The following FOXN3 variants were observed in gnomAD, a reference collection of about 807,000 sequenced individuals.
The protein encoded by FOXN3 is forkhead box N3.
Under a neutral mutation model 38.4 loss-of-function variants are expected in FOXN3, and 7 were observed. The observed-to-expected ratio is 0.18, with a 90% CI of 0.10 to 0.34. The LOEUF (loss-of-function observed/expected upper bound fraction) is 0.34. Among genes scored for constraint, FOXN3 ranks in the 10% least tolerant of loss-of-function variants. FOXN3 has a pLI of 1.00. For missense variants in FOXN3, 456 were observed against 613.4 expected (o/e 0.74, Z 2.71); for synonymous variants, 230 against 242.2 (o/e 0.95, Z 0.47).
intron 1 of FOXN3, among the ~76,000 whole-genome samples, chr14:89,453,349 G>C (rs1408447321): frequency 6.6e-6 from 1 of 151,918 alleles, no homozygotes; most frequent in Admixed American, 6.6e-5. Flanking sequence ...GAGGTCAGGA[G>C]ATTGAGACCA....
chr14:89,216,642 C>A (rs1041178777), intron 4 of FOXN3, among the ~76,000 whole-genome samples: 1 of 152,200 alleles, frequency 6.6e-6, no homozygotes, highest in African/African-American at 2.4e-5. Flanking sequence ...GCATTCAAAG[C>A]CCAATGGCTT....
At chr14:89,340,096 G>A (rs1302255251) in intron 3 of FOXN3, among the ~76,000 whole-genome samples, 4 of 152,100 alleles carry the variant, frequency 2.6e-5, no homozygotes, top group Non-Finnish European at 5.9e-5. Context: ...GGAAAGAGAA[G>A]AAGGAAGGGG....
intron 2 of FOXN3, among the ~76,000 whole-genome samples, chr14:89,382,889 GA>G (rs1890689107): frequency 6.6e-6 from 1 of 152,184 alleles, no homozygotes; most frequent in Non-Finnish European, 1.5e-5. Context: ...CCAGCTGGAG[GA>G]AGTGCCCTCC....
At chr14:89,554,406 G>A (rs185523196) in intron 1 of FOXN3, among the ~76,000 whole-genome samples, 1 of 152,284 alleles carries the variant, frequency 6.6e-6, no homozygotes, top group Non-Finnish European at 1.5e-5. Flanking sequence ...AAAGTGCTGG[G>A]ATTACAGGCA....
chr14:89,468,474 CAT>C (rs1491018280), intron 1 of FOXN3, among the ~76,000 whole-genome samples: 137 of 151,952 alleles, frequency 9.0e-4, no homozygotes, highest in African/African-American at 2.9e-3. Context: ...CACACACACA[CAT>C]ACACACACAC....
intron 1 of FOXN3, among the ~76,000 whole-genome samples, chr14:89,523,337 A>C (rs1329840636): frequency 6.6e-6 from 1 of 152,214 alleles, no homozygotes. Flanking sequence ...AGAAGACTTG[A>C]ACAATACTAT....
intron 1 of FOXN3, among the ~76,000 whole-genome samples, chr14:89,469,383 A>G (rs1173878354): frequency 6.6e-6 from 1 of 152,224 alleles, no homozygotes; most frequent in East Asian, 1.9e-4. Flanking sequence ...TCCTCAGTCC[A>G]GGAAGCAGGG....
chr14:89,223,584 T>C (rs913930140), intron 4 of FOXN3, among the ~76,000 whole-genome samples: 1 of 152,244 alleles, frequency 6.6e-6, no homozygotes, highest in African/African-American at 2.4e-5. Flanking sequence ...CTTCTTAAAG[T>C]TGCCAGAAGC....
chr14:89,422,395 A>C (rs2401821), intron 1 of FOXN3, among the ~76,000 whole-genome samples: 151,530 of 152,302 alleles, frequency 0.99, 75,390 homozygotes, highest in Middle Eastern at 1. Flanking sequence ...CTTCAAGACC[A>C]AGTGAATCAG....
In FOXN3 at chr14:89,589,280, C is replaced by T. The variant is rs369260839; in HGVS notation, c.-15+29748G>A. Among the ~76,000 whole-genome samples the T allele has an allele frequency of 2.4e-4, 36 of 152,274 alleles. No homozygotes were observed. The South Asian group carries it at 7.3e-3, about 31-fold the overall frequency. ...ACACACCCTTCTCTCCAGACCACTACCCAGACTTACAAAAGCATTTCAGAT... is the reference window on the plus strand; with the variant it reads ...ACACACCCTTCTCTCCAGACCACTATCCAGACTTACAAAAGCATTTCAGAT... On this transcript the variant is annotated intron_variant, in intron 1 of 6. Transcript: ENST00000345097.
Position 89,171,061 on chromosome 14 carries a change from T to G in FOXN3, c.852-8092A>C, listed in dbSNP as rs550021362. Among the ~76,000 whole-genome samples the G allele has an allele frequency of 4.3e-5, 6 of 139,596 alleles. No individual in the cohort carries two copies. The South Asian group carries it at 1.3e-3, about 30-fold the overall frequency. The allele number at this position is 139,596 out of a possible 152,430, so 91.6% of individuals were successfully genotyped here. On this transcript the variant is annotated intron_variant, in intron 5 of 5. Coordinates refer to ENST00000557258, the MANE Select transcript of FOXN3 (RefSeq NM_005197.4). Reference sequence around the variant, plus strand: ...GAGCTAATTTAAAAAGTTGATTCTTTGAAAAAAAATCTATGGCGAAATTAA... The same window carrying G: ...GAGCTAATTTAAAAAGTTGATTCTTGGAAAAAAAATCTATGGCGAAATTAA...
chr14:89,498,612 G>C (rs577044278), intron 1 of FOXN3, among the ~76,000 whole-genome samples: 1 of 152,062 alleles, frequency 6.6e-6, no homozygotes. Flanking sequence ...ACCTCCTCCC[G>C]AATTACCCTG....
intron 2 of FOXN3, among the ~76,000 whole-genome samples, chr14:89,387,383 G>T (rs1890820777): frequency 6.6e-6 from 1 of 152,166 alleles, no homozygotes; most frequent in South Asian, 2.1e-4. Flanking sequence ...TATATTCCAG[G>T]AGTTGTATTA....
intron 1 of FOXN3, among the ~76,000 whole-genome samples, chr14:89,531,745 T>A (rs1313239467): frequency 6.6e-6 from 1 of 152,260 alleles, no homozygotes; most frequent in African/African-American, 2.4e-5. Context: ...CAAAGTACAA[T>A]ATCTACGCTG....
intron 1 of FOXN3, among the ~76,000 whole-genome samples, chr14:89,517,490 T>C (rs1457798165): frequency 6.6e-6 from 1 of 152,028 alleles, no homozygotes; most frequent in African/African-American, 2.4e-5. Flanking sequence ...AGGCTCATTG[T>C]ACATGGCAGA....
chr14:89,549,999 G>A (rs1218393599), intron 1 of FOXN3, among the ~76,000 whole-genome samples: 2 of 152,194 alleles, frequency 1.3e-5, no homozygotes, highest in African/African-American at 4.8e-5. Flanking sequence ...GGTAATGCAT[G>A]CGGCATCACA....
chr14:89,548,106 AG>A lies in FOXN3; in HGVS notation c.-15+70921del, dbSNP rs1035014725. ...TCAATTATTCACGATAGAACACTTGAGTTGAAATAAAAAATATCTATGTGTT... is the reference window on the plus strand; with the variant it reads ...TCAATTATTCACGATAGAACACTTGATTGAAATAAAAAATATCTATGTGTT... On this transcript the variant is annotated intron_variant, in intron 1 of 6. Transcript: ENST00000345097. The surrounding 1 kb of genome is among the most constrained non-coding windows in gnomAD (Gnocchi z 4.8). Among the ~76,000 whole-genome samples, 3 of 152,200 alleles carry A rather than the reference AG, an allele frequency of 2.0e-5. No homozygotes were observed. Among genetic ancestry groups the A allele is most frequent in the African/African-American group, 7.2e-5 (3 of 41,440 alleles).
chr14:89,491,272 G>A lies in FOXN3; in HGVS notation c.-14-78782C>T, dbSNP rs145195604. 2.8e-3 allele frequency among the ~76,000 whole-genome samples: 421 copies of A among 152,204 alleles called. 2 individuals are homozygous for A. Among genetic ancestry groups the A allele is most frequent in the African/African-American group, 9.3e-3 (386 of 41,538 alleles). ...ATTACAGGCGTGAGCCACTGCTCCC[G>A]GCCACTGCTAACCTTAATACAATGC... On this transcript the variant is annotated intron_variant, in intron 1 of 6. Coordinates refer to the FOXN3 transcript ENST00000345097.
intron 1 of FOXN3, among the ~76,000 whole-genome samples, chr14:89,434,100 T>A (rs748470371): frequency 6.9e-6 from 1 of 145,978 alleles, no homozygotes; most frequent in Non-Finnish European, 1.5e-5. Flanking sequence ...ATTTTAGGTA[T>A]TTTTAGTAGA....
Sources: gnomAD v4.1 joint callset for allele counts (sites outside exome capture counted in the v4.1 genomes callset) on GRCh38, gnomAD v4.1.1 for gene constraint, Gnocchi (gnomAD v3.1) non-coding constraint, MANE v1.5 for transcripts, NCBI Gene and HGNC (gene_info 2026-07-23, HGNC 2026-07-21) for gene names.